HERPUD1: variants seen among roughly 807,000 people sequenced by gnomAD.
The protein encoded by HERPUD1 is homocysteine inducible ER protein with ubiquitin like domain 1, also known as homocysteine-responsive endoplasmic reticulum-resident ubiquitin-like domain member 1 protein.
Under a neutral mutation model 45.0 loss-of-function variants are expected in HERPUD1, and 17 were observed. The observed-to-expected ratio is 0.38, with a 90% confidence interval of 0.26 to 0.57. HERPUD1 has a LOEUF of 0.57. Among genes scored for constraint, HERPUD1 ranks in the 20% least tolerant of loss-of-function variants. HERPUD1 has a pLI of 0.72. For synonymous variants in HERPUD1, 164 were observed against 177.5 expected (o/e 0.92, Z 0.61); for missense variants, 420 against 490.5 (o/e 0.86, Z 1.36).
chr16:56,938,162 A>G (rs1425115581), intron 4 of HERPUD1, among the ~76,000 whole-genome samples: 1 of 152,174 alleles, frequency 6.6e-6, no homozygotes, highest in Non-Finnish European at 1.5e-5. Flanking sequence ...TATGGTTTCA[A>G]TTTTGTGATG....
rs757590035 is a variant in HERPUD1 at position 56,939,378 on chromosome 16, G to A, written c.554+19G>A. 35 of 1,613,766 alleles carry A rather than the reference G, an allele frequency of 2.2e-5. No individual in the cohort carries two copies. Among genetic ancestry groups the A allele is most frequent in the Non-Finnish European group, 2.8e-5 (33 of 1,179,928 alleles). ...TGCAATAGTGAGTCCTTCCCGCCAT[G>A]CTGGGTGTGGCCAGGGCTCCCGGGA... On this transcript the variant is annotated intron_variant, in intron 5 of 7. Coordinates refer to ENST00000439977, the MANE Select transcript of HERPUD1 (RefSeq NM_014685.4).
intron 1 of HERPUD1, 111 bp downstream of exon 1, chr16:56,932,502 C>G (rs906640574): frequency 9.4e-7 from 1 of 1,067,682 alleles, no homozygotes; most frequent in Non-Finnish European, 1.3e-6. Context: ...CGGCTGCGAT[C>G]GCTCGGCCGG....
chr16:56,940,226 G>C lies in HERPUD1; in HGVS notation c.886G>C (p.Ala296Pro). ...GAGCAGATTCCTCATGGTCATGGGG[G>C]CCACCGTTGTTATGTACCTGTAAGC... ...SLSRFLMVMG[A>P]TVVMYLHHVG... is the part of the protein sequence containing the mutation. Residue 296 changes from alanine to proline, a missense_variant, in exon 6 of 8, where the codon GCC (alanine) becomes CCC (proline). Coordinates refer to ENST00000439977, the MANE Select transcript of HERPUD1 (RefSeq NM_014685.4). The C allele has an allele frequency of 1.2e-6, 2 of 1,611,644 alleles. No individual in the cohort carries two copies. The highest frequency in any genetic ancestry group is 1.1e-5 in the South Asian group (1 of 91,038).
chr16:56,939,085 TG>T, intron 4 of HERPUD1, 151 bp from the exon 5 acceptor site: 1 of 738,566 alleles, frequency 1.4e-6, no homozygotes, highest in Non-Finnish European at 2.2e-6. Context: ...TTGTGGTACA[TG>T]GGTGCGTCAT....
rs767541242 is a variant in HERPUD1 at position 56,943,647 on chromosome 16, G to A, written c.*357G>A. 12 of 409,928 alleles carry A rather than the reference G, an allele frequency of 2.9e-5. No individual in the cohort carries two copies. The highest frequency in any genetic ancestry group is 3.9e-5 in the African/African-American group (2 of 50,686). 25.4% of individuals were successfully genotyped at this position (409,928 alleles called of 1,614,324 possible). ...GTACATAGAAGTCATAGATGCAGAAGTGGTTCTGCTGGTACGATTTGATTC... is the reference window on the plus strand; with the variant it reads ...GTACATAGAAGTCATAGATGCAGAAATGGTTCTGCTGGTACGATTTGATTC... On this transcript the variant is annotated 3_prime_UTR_variant, in exon 8 of 8. Coordinates refer to ENST00000439977, the MANE Select transcript of HERPUD1 (RefSeq NM_014685.4).
Position 56,943,210 on chromosome 16 carries a change from T to A in HERPUD1, c.1096T>A (p.Phe366Ile). The change falls in exon 8 of 8, where the codon TTT becomes ATT. Residue 366 changes from phenylalanine to isoleucine, a missense_variant. Coordinates refer to ENST00000439977, the MANE Select transcript of HERPUD1 (RefSeq NM_014685.4). ...AGATGGCGAGCAGACCAGCCCCTCC[T>A]TTATGAGCACAGCATGGCTTGTCTT... ...VLDGEQTSPSFMSTAWLVFKT... is the reference protein window; with the variant it reads ...VLDGEQTSPSIMSTAWLVFKT... 1.2e-6 allele frequency: 2 copies of A among 1,614,180 alleles called. No individual in the cohort carries two copies. The highest frequency in any genetic ancestry group is 1.7e-6 in the Non-Finnish European group (2 of 1,180,024).
intron 4 of HERPUD1, 131 bp downstream of exon 4, chr16:56,936,948 G>T: frequency 1.0e-6 from 1 of 955,766 alleles, no homozygotes; most frequent in Non-Finnish European, 1.5e-6. Flanking sequence ...TTTATAAATA[G>T]CTTCGCTTTA....
chr16:56,939,200 C>T, intron 4 of HERPUD1, 37 bp from the exon 5 acceptor site: 1 of 1,604,076 alleles, frequency 6.2e-7, no homozygotes, highest in Non-Finnish European at 8.5e-7. Flanking sequence ...CATACTCAAC[C>T]CACTCAAAAT....
rs757716802 is a variant in HERPUD1 at position 56,932,223 on chromosome 16, C to G, written c.-22C>G. 1 of 1,602,646 alleles carries G rather than the reference C, an allele frequency of 6.2e-7. No individual in the cohort carries two copies. The highest frequency in any genetic ancestry group is 1.1e-5 in the South Asian group (1 of 90,582). On this transcript the variant is annotated 5_prime_UTR_variant, in exon 1 of 8. Coordinates refer to ENST00000439977, the MANE Select transcript of HERPUD1 (RefSeq NM_014685.4). ...CCTGGCACCTAGGAGCGCAGCGGAG[C>G]CCCGACACCGCCGCCGCCGCCATGG...
chr16:56,935,565 A>G, intron 3 of HERPUD1, 90 bp downstream of exon 3: 2 of 1,057,206 alleles, frequency 1.9e-6, no homozygotes, highest in Non-Finnish European at 2.9e-6. Context: ...GTTTATTGAG[A>G]GACTGTATGG....
At position 56,939,886 on chromosome 16, in the gene HERPUD1, T is replaced by C. The variant is rs775568790; in HGVS notation, c.555-9T>C. On this transcript the variant is annotated splice_polypyrimidine_tract_variant and intron_variant, in intron 5 of 7. Transcript: ENST00000439977. ...TCAACAGTATCTGCCTCTGTCGTTT[T>C]TATTTTAGTTTAGCAGCCACTGCTG... is the stretch of plus-strand genomic sequence containing the variant. 1 of 1,604,350 alleles carries C rather than the reference T, an allele frequency of 6.2e-7. No homozygotes were observed. The highest frequency in any genetic ancestry group is 1.1e-5 in the South Asian group (1 of 90,830).
At position 56,932,154 on chromosome 16, in the gene HERPUD1, T is replaced by A. The variant is rs750343085; in HGVS notation, c.-91T>A. Reference sequence around the variant, plus strand: ...AGCGGGGGCGCGCGCCCCAGAGACGTGAACTGTCGTTGCAGAGATTGCGGG... The same window carrying A: ...AGCGGGGGCGCGCGCCCCAGAGACGAGAACTGTCGTTGCAGAGATTGCGGG... On this transcript the variant is annotated 5_prime_UTR_variant, in exon 1 of 8. Transcript: ENST00000439977. 6.5e-7 allele frequency: 1 copy of A among 1,549,278 alleles called. No individual in the cohort carries two copies. Among genetic ancestry groups the A allele is most frequent in the Non-Finnish European group, 8.7e-7 (1 of 1,154,256 alleles).
rs756356582 is a variant in HERPUD1 at position 56,936,823 on chromosome 16, T to G, written c.431+6T>G. 13 of 1,612,980 alleles carry G rather than the reference T, an allele frequency of 8.1e-6. No homozygotes were observed. The South Asian group carries it at 1.4e-4, about 18-fold the overall frequency. ...GGATGGGAAAACATCTCAAGGTGAG[T>G]GTTATAATAAAGATCTTGGCTTATG... On this transcript the variant is annotated splice_donor_region_variant and intron_variant, in intron 4 of 7. Transcript: ENST00000439977.
At chr16:56,942,426 T>C (rs536186960) in intron 7 of HERPUD1, among the ~76,000 whole-genome samples, 189 bp downstream of exon 7, 1 of 152,376 alleles carries the variant, frequency 6.6e-6, no homozygotes, top group East Asian at 1.9e-4. Flanking sequence ...TTCTATCACA[T>C]ATTTTTGACG....
At chr16:56,939,392 G>A (rs771767449) in intron 5 of HERPUD1, 33 bp downstream of exon 5, 18 of 1,612,634 alleles carry the variant, frequency 1.1e-5, no homozygotes, top group East Asian at 8.9e-5. Flanking sequence ...GGTGTGGCCA[G>A]GGCTCCCGGG....
At chr16:56,939,010 G>C (rs1270019465) in intron 4 of HERPUD1, 7 of 573,544 alleles carry the variant, frequency 1.2e-5, no homozygotes, top group African/African-American at 1.9e-5. Flanking sequence ...AGGTGGCAAG[G>C]GCTGTTGTTT....
intron 4 of HERPUD1, chr16:56,937,099 G>A (rs1310686351): frequency 9.4e-6 from 2 of 211,910 alleles, no homozygotes; most frequent in Admixed American, 5.6e-5. Context: ...CTTGGTTGCC[G>A]TCATGATAGG....
intron 1 of HERPUD1, among the ~76,000 whole-genome samples, chr16:56,934,738 G>T (rs1246627112): frequency 1.1e-5 from 1 of 94,688 alleles, no homozygotes; most frequent in Non-Finnish European, 2.1e-5. Context: ...TTGAGATAGG[G>T]TCTCACTCTG....
intron 6 of HERPUD1, chr16:56,940,980 T>A (rs1218194309): frequency 2.6e-5 from 4 of 152,134 alleles, no homozygotes. Context: ...TAATAAATAG[T>A]ATGTATTCTG....
Sources: allele counts gnomAD v4.1 joint callset (sites outside exome capture counted in the v4.1 genomes callset), GRCh38; gene constraint gnomAD v4.1.1; transcripts MANE v1.5; gene names NCBI Gene and HGNC (gene_info 2026-07-23, HGNC 2026-07-21).